Variants in CAPN9 observed in about 807,000 individuals in gnomAD.
CAPN9 encodes the protein calpain 9.
A neutral mutation model predicts 92.8 loss-of-function variants in CAPN9; 81 were observed. The ratio of observed to expected loss-of-function variants is 0.87; its 90% CI spans 0.73 to 1.05. The LOEUF (loss-of-function observed/expected upper bound fraction) is 1.05, where lower values mean the gene tolerates loss of function less well. Ranked by LOEUF, CAPN9 falls within the 50% of genes least tolerant of loss-of-function variation. CAPN9 has a pLI of 0.00. For synonymous variants in CAPN9, 304 were observed against 328.0 expected, an observed-to-expected ratio of 0.93 and a Z score of 0.79; for missense variants, 848 against 866.2, an observed-to-expected ratio of 0.98 and a Z score of 0.26.
At chr1:230,769,855 A>G (rs1666275254) in intron 6 of CAPN9, among the ~76,000 whole-genome samples, 1 of 152,158 alleles carries the variant, frequency 6.6e-6, no homozygotes, top group South Asian at 2.1e-4. Flanking sequence ...CACTTAATAA[A>G]TAGTAAATGT....
intron 11 of CAPN9, among the ~76,000 whole-genome samples, chr1:230,785,307 A>G (rs1667508633): frequency 6.6e-6 from 1 of 152,214 alleles, no homozygotes; most frequent in South Asian, 2.1e-4. Flanking sequence ...TTGGGAAGGC[A>G]TAATTATATT....
chr1:230,799,236 A>T (rs937386114), intron 19 of CAPN9, among the ~76,000 whole-genome samples: 1 of 152,202 alleles, frequency 6.6e-6, no homozygotes, highest in African/African-American at 2.4e-5. Context: ...GAGGTTGATG[A>T]CAGTATGTGT....
chr1:230,770,348 T>A (rs4618981), intron 6 of CAPN9, among the ~76,000 whole-genome samples: 2,472 of 152,296 alleles, frequency 0.016, 79 homozygotes, highest in African/African-American at 0.056. Context: ...CTTTTTGTTC[T>A]GGTCAGGTCT....
chr1:230,767,325 C>CA (rs1325669733), intron 4 of CAPN9, among the ~76,000 whole-genome samples: 2 of 152,184 alleles, frequency 1.3e-5, no homozygotes, highest in Non-Finnish European at 2.9e-5. Context: ...ACCACCACAC[C>CA]ACACTGCCTC....
At chr1:230,790,514 T>A (rs1222439047) in intron 14 of CAPN9, among the ~76,000 whole-genome samples, 1 of 152,240 alleles carries the variant, frequency 6.6e-6, no homozygotes, top group Non-Finnish European at 1.5e-5. Context: ...AATGTTAGAA[T>A]GTTTCATCAC....
intron 1 of CAPN9, among the ~76,000 whole-genome samples, chr1:230,750,661 C>T (rs778025007): frequency 7.2e-5 from 11 of 152,170 alleles, no homozygotes; most frequent in Non-Finnish European, 1.3e-4. Flanking sequence ...CTCAGCAGCC[C>T]GTGGGACCGT....
chr1:230,798,099 G>T (rs1250665331), intron 18 of CAPN9, 63 bp from the exon 19 acceptor site: 1 of 1,285,824 alleles, frequency 7.8e-7, no homozygotes, highest in Non-Finnish European at 1.1e-6. Flanking sequence ...TTGGTCGCTG[G>T]GAAACAAACT....
chr1:230,793,196 C>T (rs904483050), intron 17 of CAPN9, among the ~76,000 whole-genome samples: 5 of 152,192 alleles, frequency 3.3e-5, no homozygotes, highest in African/African-American at 1.2e-4. Flanking sequence ...CTTGGCCTGC[C>T]CTCTGGAGGC....
rs749823389 is a variant in CAPN9, at chr1:230,788,715, C to T, written c.1599+1113C>T. 5.3e-5 allele frequency among the ~76,000 whole-genome samples: 8 copies of T among 152,172 alleles called. No individual in the cohort carries two copies. In the South Asian group the frequency reaches 6.2e-4, roughly 12 times the overall value. On this transcript the variant is annotated intron_variant, in intron 13 of 19. Transcript: ENST00000271971. ...AAAGCACAGCAGGAAGGTGGCTGAG[C>T]GCAGCCCTGGGCGGGACAGAGCATG...
At chr1:230,764,288 T>C (rs4847012) in intron 4 of CAPN9, among the ~76,000 whole-genome samples, 39,637 of 151,980 alleles carry the variant, frequency 0.26, 5,759 homozygotes, top group Non-Finnish European at 0.34. Flanking sequence ...TAAAAGAAAA[T>C]GACAAAGGAA....
intron 7 of CAPN9, among the ~76,000 whole-genome samples, chr1:230,773,568 G>A (rs1666531941): frequency 6.6e-6 from 1 of 152,182 alleles, no homozygotes; most frequent in African/African-American, 2.4e-5. Context: ...GGAGGGGCAG[G>A]CGCCATCCCG....
rs566295244 is a variant in CAPN9 at position 230,763,362 on chromosome 1, C to T, written c.536+576C>T. Among the ~76,000 whole-genome samples the T allele has an allele frequency of 4.6e-5, 7 of 152,254 alleles. 1 individual carries two copies. In the East Asian group the frequency reaches 1.4e-3, roughly 29 times the overall value. On this transcript the variant is annotated intron_variant, in intron 4 of 19. Coordinates refer to ENST00000271971, the MANE Select transcript of CAPN9 (RefSeq NM_006615.3). ...CTATCTCCAGCACTTTTTCATCTTG[C>T]AAAACTGAAATTCTGTCCCTATTAA...
At chr1:230,758,391 G>A (rs537562092) in intron 2 of CAPN9, among the ~76,000 whole-genome samples, 1 of 152,244 alleles carries the variant, frequency 6.6e-6, no homozygotes, top group Non-Finnish European at 1.5e-5. Context: ...GATCCTGCAG[G>A]TTCCAGCCAT....
At position 230,787,796 on chromosome 1, in the gene CAPN9, C is replaced by A. The variant is rs187232790; in HGVS notation, c.1599+194C>A. Among the ~76,000 whole-genome samples the A allele has an allele frequency of 2.6e-5, 4 of 152,316 alleles. No homozygotes were observed. The East Asian group carries it at 7.7e-4, about 29-fold the overall frequency. On this transcript the variant is annotated intron_variant, in intron 13 of 19. Coordinates refer to ENST00000271971, the MANE Select transcript of CAPN9 (RefSeq NM_006615.3). ...TTACAACATTTACTTACACAGTCTGCGGCTGTGGATGGGGCCAGTGAGCCC... is the reference window on the plus strand; with the variant it reads ...TTACAACATTTACTTACACAGTCTGAGGCTGTGGATGGGGCCAGTGAGCCC...
At chr1:230,797,447 C>T (rs1432676378) in intron 18 of CAPN9, among the ~76,000 whole-genome samples, 1 of 152,142 alleles carries the variant, frequency 6.6e-6, no homozygotes, top group Non-Finnish European at 1.5e-5. Flanking sequence ...CACCTTTTTA[C>T]AGTTGCTTGG....
At position 230,767,621 on chromosome 1, in the gene CAPN9, C is replaced by A; in HGVS notation, c.617C>A (p.Thr206Asn). The change falls in exon 5 of 20, where the codon ACC (threonine) becomes AAC (asparagine). Residue 206 changes from threonine to asparagine, a missense_variant. Transcript: ENST00000271971. ...MEDFTGGVAE[T>N]FQTKEAPENF... ...GACTTCACTGGGGGTGTGGCAGAGA[C>A]CTTCCAAACTAAAGAGGCCCCCGAG... The A allele has an allele frequency of 2.5e-6, 4 of 1,613,826 alleles. No individual in the cohort carries two copies. The highest frequency in any genetic ancestry group is 2.2e-5 in the East Asian group (1 of 44,864).
chr1:230,765,212 GACACACAC>G (rs56286310), intron 4 of CAPN9, among the ~76,000 whole-genome samples: 5,120 of 132,102 alleles, frequency 0.039, 204 homozygotes, highest in African/African-American at 0.11. Flanking sequence ...ACACATGCAA[GACACACAC>G]ACACACACAC....
intron 13 of CAPN9, among the ~76,000 whole-genome samples, chr1:230,789,309 T>C (rs754243355): frequency 2.6e-5 from 4 of 151,882 alleles, no homozygotes; most frequent in Non-Finnish European, 4.4e-5. Context: ...GGAGAGCCCA[T>C]CTCTGCAAAA....
rs562916364 is a variant in CAPN9, at chr1:230,795,639, G to A, written c.1987+360G>A. 1.9e-4 allele frequency: 42 copies of A among 224,720 alleles called. No homozygotes were observed. In the Middle Eastern group the frequency reaches 5.1e-3, roughly 27 times the overall value. 13.9% of individuals were successfully genotyped at this position (224,720 alleles called of 1,614,324 possible). A position where few individuals can be genotyped will look rare whatever the true frequency, so the allele number is the denominator to read the frequency against. ...AGTCCCCCTTCCTCCCCCCTTCCCC[G>A]CCCTGTAAGCCCTAGACATTGACCC... is the stretch of plus-strand genomic sequence containing the variant. On this transcript the variant is annotated intron_variant, in intron 18 of 19. Transcript: ENST00000271971.
Sources: gnomAD v4.1 joint callset for allele counts (sites outside exome capture counted in the v4.1 genomes callset) on GRCh38, gnomAD v4.1.1 for gene constraint, MANE v1.5 for transcripts, NCBI Gene and HGNC (gene_info 2026-07-23, HGNC 2026-07-21) for gene names.